The following DOCK5 variants were observed in gnomAD, a reference collection of about 807,000 sequenced individuals.
The protein encoded by DOCK5 is dedicator of cytokinesis 5.
In DOCK5, 142 loss-of-function variants were observed where a neutral mutation model predicts 251.8. The ratio of observed to expected loss-of-function variants is 0.56; its 90% CI spans 0.49 to 0.65. DOCK5 has a LOEUF of 0.65. Ranked by LOEUF, DOCK5 falls within the 30% of genes least tolerant of loss-of-function variation. The pLI is 0.00. For synonymous variants in DOCK5, 842 were observed against 835.5 expected (o/e 1.01, Z -0.13); for missense variants, 2,111 against 2,312.3 (o/e 0.91, Z 1.79).
chr8:25,204,702 A>C (rs1298877317), intron 1 of DOCK5, among the ~76,000 whole-genome samples: 1 of 152,166 alleles, frequency 6.6e-6, no homozygotes, highest in African/African-American at 2.4e-5. Context: ...CTTTCTTCTA[A>C]CTTCTTGGCG....
At chr8:25,317,325 A>ATAG in intron 14 of DOCK5, 194 bp downstream of exon 14, 1 of 611,588 alleles carries the variant, frequency 1.6e-6, no homozygotes, top group African/African-American at 1.8e-5. Flanking sequence ...ACTCTTCTAG[A>ATAG]CTCTTATTTT....
intron 45 of DOCK5, 55 bp downstream of exon 45, chr8:25,395,774 C>T: frequency 6.4e-7 from 1 of 1,565,720 alleles, no homozygotes; most frequent in Non-Finnish European, 8.7e-7. Flanking sequence ...GTCTGTGTGC[C>T]TCCCTCTGTG....
intron 13 of DOCK5, among the ~76,000 whole-genome samples, chr8:25,311,147 G>T (rs935170534): frequency 1.3e-5 from 2 of 152,232 alleles, no homozygotes; most frequent in South Asian, 2.1e-4. Context: ...TGCTGACTTC[G>T]CCCATTTAAT....
chr8:25,207,885 C>G (rs578092912), intron 1 of DOCK5, among the ~76,000 whole-genome samples: 2 of 152,134 alleles, frequency 1.3e-5, no homozygotes, highest in Non-Finnish European at 2.9e-5. Flanking sequence ...ATAGTGATTA[C>G]GCTGATGGTT....
At chr8:25,298,058 T>TAAA (rs145331060) in intron 7 of DOCK5, among the ~76,000 whole-genome samples, 4 of 125,894 alleles carry the variant, frequency 3.2e-5, no homozygotes, top group Non-Finnish European at 6.9e-5. Flanking sequence ...CCCTGCCTCT[T>TAAA]AAAAAAAAAA....
intron 5 of DOCK5, among the ~76,000 whole-genome samples, chr8:25,283,746 A>G (rs1804265361): frequency 6.6e-6 from 1 of 152,198 alleles, no homozygotes; most frequent in Non-Finnish European, 1.5e-5. Context: ...TCAGCAGCCA[A>G]GCTAAATTTC....
Position 25,254,778 on chromosome 8 carries a change from A to G in DOCK5, c.127+11021A>G, listed in dbSNP as rs1298386619. On this transcript the variant is annotated intron_variant, in intron 2 of 51. Transcript: ENST00000276440. Reference sequence around the variant, plus strand: ...GACAAAGCAAGACTTTGTCTCAAAAAAAAACAAAACAAAACAAAAAAAAAA... The same window carrying G: ...GACAAAGCAAGACTTTGTCTCAAAAGAAAACAAAACAAAACAAAAAAAAAA... Among the ~76,000 whole-genome samples, 4 of 129,020 alleles carry G rather than the reference A, an allele frequency of 3.1e-5. 2 individuals carry two copies. Among genetic ancestry groups the G allele is most frequent in the East Asian group, 4.3e-4 (2 of 4,608 alleles). The allele number at this position is 129,020 out of a possible 152,430, so 84.6% of individuals were successfully genotyped here. A position where few individuals can be genotyped will look rare whatever the true frequency, so the allele number is the denominator to read the frequency against.
At chr8:25,226,590 G>GTTT (rs574512849) in intron 1 of DOCK5, among the ~76,000 whole-genome samples, 9,356 of 142,586 alleles carry the variant, frequency 0.066, 840 homozygotes, top group African/African-American at 0.21. Flanking sequence ...TTAATTTTAA[G>GTTT]TTTTTTTTTT....
intron 1 of DOCK5, among the ~76,000 whole-genome samples, chr8:25,225,940 G>C (rs1234916474): frequency 2.0e-5 from 3 of 152,140 alleles, no homozygotes; most frequent in African/African-American, 7.2e-5. Context: ...TTACACTTTT[G>C]CAAGATGAAA....
chr8:25,399,177 C>T (rs571420612), intron 45 of DOCK5, among the ~76,000 whole-genome samples: 1 of 152,254 alleles, frequency 6.6e-6, no homozygotes, highest in African/African-American at 2.4e-5. Context: ...TTTCTCTTTC[C>T]TGATGAATTC....
Position 25,340,865 on chromosome 8 carries a change from T to C in DOCK5, c.2328-12T>C. On this transcript the variant is annotated splice_polypyrimidine_tract_variant and intron_variant, in intron 22 of 51. Coordinates refer to ENST00000276440, the MANE Select transcript of DOCK5 (RefSeq NM_024940.8). The stretch of plus-strand genomic sequence containing the variant: ...TGGAAAGTCCAACTGCTTTTGTCTT[T>C]TTCCTATTAAGATTTTATGGGCAGA... 1 of 1,609,934 alleles carries C rather than the reference T, an allele frequency of 6.2e-7. No individual in the cohort carries two copies. The highest frequency in any genetic ancestry group is 8.5e-7 in the Non-Finnish European group (1 of 1,177,554).
At chr8:25,373,869 T>C (rs2271105) in intron 36 of DOCK5, among the ~76,000 whole-genome samples, 70,772 of 151,938 alleles carry the variant, frequency 0.47, 16,688 homozygotes, top group Middle Eastern at 0.54. Flanking sequence ...TGAGGTCATG[T>C]CAGGGATCAG....
At chr8:25,334,326 C>A (rs1225007765) in intron 21 of DOCK5, 130 bp downstream of exon 21, 3 of 731,382 alleles carry the variant, frequency 4.1e-6, no homozygotes, top group Non-Finnish European at 6.9e-6. Flanking sequence ...AACTCTTATT[C>A]TAAGCTTCCG....
intron 45 of DOCK5, among the ~76,000 whole-genome samples, chr8:25,396,763 CGTGTGTGTGT>C (rs5890230): frequency 6.8e-5 from 10 of 147,106 alleles, no homozygotes; most frequent in South Asian, 4.4e-4. Flanking sequence ...CTCTTGTGTC[CGTGTGTGTGT>C]GTGTGTGTGT....
chr8:25,392,673 T>G, intron 43 of DOCK5, 123 bp from the exon 44 acceptor site: 1 of 846,490 alleles, frequency 1.2e-6, no homozygotes, highest in Non-Finnish European at 1.9e-6. Context: ...ACGAGGCATT[T>G]GAGAATAGAA....
At chr8:25,379,125 G>A (rs1349939936) in intron 38 of DOCK5, among the ~76,000 whole-genome samples, 1 of 152,210 alleles carries the variant, frequency 6.6e-6, no homozygotes, top group African/African-American at 2.4e-5. Context: ...ATGTTCAGCG[G>A]TGCACGTATA....
intron 2 of DOCK5, among the ~76,000 whole-genome samples, chr8:25,258,905 G>A (rs545642055): frequency 4.6e-5 from 7 of 152,288 alleles, no homozygotes; most frequent in African/African-American, 1.7e-4. Context: ...GATCACTTGA[G>A]GTCAAGAGTT....
intron 1 of DOCK5, among the ~76,000 whole-genome samples, chr8:25,225,208 A>G (rs1038990318): frequency 2.0e-5 from 3 of 152,242 alleles, no homozygotes; most frequent in African/African-American, 7.2e-5. Flanking sequence ...CAAAAATTAA[A>G]GATAGAATTA....
rs143463735 is a variant in DOCK5 at position 25,308,240 on chromosome 8, C to G, written c.1050-543C>G. On this transcript the variant is annotated intron_variant, in intron 11 of 51. Transcript: ENST00000276440. ...TGTTTGGCAGCACCTATGCCAAGAT[C>G]TAGCTTGTCATCACATGGAAATCTG... 3.3e-5 allele frequency among the ~76,000 whole-genome samples: 5 copies of G among 152,244 alleles called. No homozygotes were observed. In the East Asian group the frequency reaches 9.7e-4, roughly 29 times the overall value.
Sources: allele counts gnomAD v4.1 joint callset (sites outside exome capture counted in the v4.1 genomes callset), GRCh38; gene constraint gnomAD v4.1.1; transcripts MANE v1.5; gene names NCBI Gene and HGNC (gene_info 2026-07-23, HGNC 2026-07-21).